Variants in MMD2 observed in about 807,000 individuals in gnomAD.
The protein encoded by MMD2 is monocyte to macrophage differentiation associated 2.
A neutral mutation model predicts 33.5 loss-of-function variants in MMD2; 30 were observed. The ratio of observed to expected loss-of-function variants is 0.90; its 90% CI spans 0.67 to 1.22. The LOEUF is 1.22. Ranked by LOEUF, MMD2 falls within the 50% of genes most tolerant of loss-of-function variation. MMD2 has a pLI of 0.00. For missense variants in MMD2, 364 were observed against 325.4 expected, an observed-to-expected ratio of 1.12 and a Z score of -0.91; for synonymous variants, 129 against 123.0, an observed-to-expected ratio of 1.05 and a Z score of -0.32.
At chr7:4,893,264 A>T in the MMD2 span, among the ~76,000 whole-genome samples, 6 of 152,128 alleles carry the variant, frequency 3.9e-5, no homozygotes, top group Non-Finnish European at 4.4e-5. Flanking sequence ...CCCACAGAGT[A>T]AAGTGAAGTT....
At chr7:4,928,479 G>A (rs1227870012) in intron 1 of MMD2, among the ~76,000 whole-genome samples, 1 of 151,426 alleles carries the variant, frequency 6.6e-6, no homozygotes, top group African/African-American at 2.4e-5. Flanking sequence ...TCCAGGTCAA[G>A]TACAGTTACA....
chr7:4,909,800 G>T, intron 6 of MMD2, 81 bp downstream of exon 6: 1 of 1,539,188 alleles, frequency 6.5e-7, no homozygotes, highest in East Asian at 2.4e-5. Flanking sequence ...GAGGGTTTGT[G>T]ACAATCTCAA....
At position 4,940,971 on chromosome 7, in the gene MMD2, A is replaced by G. The variant is rs1178791523; in HGVS notation, c.48-15439T>C. Among the ~76,000 whole-genome samples, 1 of 152,108 alleles carries G rather than the reference A, an allele frequency of 6.6e-6. No individual in the cohort carries two copies. On this transcript the variant is annotated intron_variant, in intron 1 of 6. Transcript: ENST00000401401. The surrounding 1 kb of genome is among the most constrained non-coding windows in gnomAD (Gnocchi z 5.0). ...CCCCTATGGGATGAGAAGGGTCCGT[A>G]TCTCCAAAGCTAGGACCATCTCCCA... is the stretch of plus-strand genomic sequence containing the variant.
intron 1 of MMD2, among the ~76,000 whole-genome samples, chr7:4,935,416 G>A (rs1358100354): frequency 1.3e-5 from 2 of 151,924 alleles, no homozygotes; most frequent in African/African-American, 4.8e-5. Context: ...TCGGTCTGGG[G>A]TAAAGCCTGG....
At chr7:4,922,736 G>T (rs1785319915) in intron 2 of MMD2, among the ~76,000 whole-genome samples, 1 of 151,940 alleles carries the variant, frequency 6.6e-6, no homozygotes, top group African/African-American at 2.4e-5. Flanking sequence ...CACTGCGCCT[G>T]GCTCCTAGTT....
At position 4,916,048 on chromosome 7, in the gene MMD2, G is replaced by T. The variant is rs373595853; in HGVS notation, c.322C>A (p.Arg108=). The T allele has an allele frequency of 2.2e-5, 35 of 1,613,708 alleles. No individual in the cohort carries two copies. The African/African-American group carries it at 2.7e-4, about 12-fold the overall frequency. ...GCTATGAAGAAATAGATGACCATCC[G>T]GTCGAACATGTGTAGACAGTGTTCC... ...MVEHCLHMFD[R]MVIYFFIAAS... The change falls in exon 4 of 7, where the codon CGG becomes AGG. Residue 108 remains arginine (R), a synonymous_variant. Coordinates refer to ENST00000401401, the MANE Select transcript of MMD2 (RefSeq NM_198403.4).
chr7:4,925,906 C>G (rs904731921), intron 1 of MMD2, among the ~76,000 whole-genome samples: 19 of 152,126 alleles, frequency 1.2e-4, no homozygotes, highest in Non-Finnish European at 1.9e-4. Flanking sequence ...CTCTGCCTCC[C>G]AAGTTCAAGC....
chr7:4,951,283 C>T (rs187197232), intron 1 of MMD2, among the ~76,000 whole-genome samples: 2 of 152,206 alleles, frequency 1.3e-5, no homozygotes, highest in East Asian at 3.9e-4. Flanking sequence ...GGTTTAACTG[C>T]TTTTAAACCC....
At chr7:4,915,506 G>A (rs1320356713) in intron 4 of MMD2, among the ~76,000 whole-genome samples, 2 of 152,014 alleles carry the variant, frequency 1.3e-5, no homozygotes, top group Admixed American at 6.6e-5. Flanking sequence ...TTGGGAGGCT[G>A]AGGTGGGCAG....
intron 1 of MMD2, among the ~76,000 whole-genome samples, chr7:4,951,342 C>A (rs2942550): frequency 6.6e-6 from 1 of 151,660 alleles, no homozygotes; most frequent in Non-Finnish European, 1.5e-5. Context: ...GAACAGTGGT[C>A]GGGTGTGCTC....
At chr7:4,926,750 T>C (rs1785438560) in intron 1 of MMD2, among the ~76,000 whole-genome samples, 1 of 151,952 alleles carries the variant, frequency 6.6e-6, no homozygotes, top group Non-Finnish European at 1.5e-5. Context: ...TTTTTTCTTT[T>C]TTCTTTTTTT....
chr7:4,953,975 C>G (rs1786320630), intron 1 of MMD2, among the ~76,000 whole-genome samples: 1 of 152,016 alleles, frequency 6.6e-6, no homozygotes, highest in Admixed American at 6.6e-5. Context: ...CCTCCCACCT[C>G]AGCCTCCTGA....
chr7:4,893,418 G>GTC, the MMD2 span, among the ~76,000 whole-genome samples: 1 of 149,388 alleles, frequency 6.7e-6, no homozygotes, highest in Non-Finnish European at 1.5e-5. Context: ...TTGAGACAGA[G>GTC]TCTAGCACTG....
chr7:4,928,975 T>C (rs926333501), intron 1 of MMD2, among the ~76,000 whole-genome samples: 2 of 152,236 alleles, frequency 1.3e-5, no homozygotes, highest in Non-Finnish European at 1.5e-5. Flanking sequence ...GCTAGCTGTA[T>C]GCTAGCATAG....
chr7:4,912,585 G>T (rs1007202329), intron 4 of MMD2, among the ~76,000 whole-genome samples: 15 of 150,832 alleles, frequency 9.9e-5, no homozygotes, highest in Non-Finnish European at 2.1e-4. Context: ...AGGGATAACG[G>T]TCAATGCACA....
chr7:4,911,341 G>T (rs1393213685), intron 4 of MMD2, 95 bp from the exon 5 acceptor site: 2 of 990,796 alleles, frequency 2.0e-6, no homozygotes, highest in Admixed American at 2.3e-5. Flanking sequence ...GGACCCCAGG[G>T]AAGTCCTGTC....
intron 1 of MMD2, among the ~76,000 whole-genome samples, chr7:4,939,945 T>C (rs1785858438): frequency 6.6e-6 from 1 of 152,144 alleles, no homozygotes; most frequent in African/African-American, 2.4e-5. Flanking sequence ...TTTTGCCATG[T>C]TGGCCAGGCT....
At chr7:4,901,643 C>CTCTT (rs1425169591), downstream of MMD2, among the ~76,000 whole-genome samples, 4 of 152,212 alleles carry the variant, frequency 2.6e-5, no homozygotes, top group African/African-American at 9.6e-5. Flanking sequence ...AGACTCTGGA[C>CTCTT]TCTTACCTCA....
chr7:4,910,137 T>C, intron 5 of MMD2, 187 bp from the exon 6 acceptor site: 2 of 1,365,690 alleles, frequency 1.5e-6, no homozygotes, highest in East Asian at 2.3e-5. Flanking sequence ...CTGGCAGTTA[T>C]GTGACCCTGG....
Sources: allele counts gnomAD v4.1 joint callset (sites outside exome capture counted in the v4.1 genomes callset), GRCh38; gene constraint gnomAD v4.1.1; non-coding constraint Gnocchi (gnomAD v3.1); transcripts MANE v1.5; gene names NCBI Gene and HGNC (gene_info 2026-07-23, HGNC 2026-07-21).